NXN: variants seen among roughly 807,000 people sequenced by gnomAD.
NXN encodes the protein nucleoredoxin.
Under a neutral mutation model 48.6 loss-of-function variants are expected in NXN, and 16 were observed. That is an observed-to-expected ratio of 0.33 (90% CI 0.22 to 0.50). The LOEUF is 0.50. Among genes scored for constraint, NXN ranks in the 20% least tolerant of loss-of-function variants. The pLI is 0.98. For synonymous variants in NXN, 281 were observed against 269.6 expected, an observed-to-expected ratio of 1.04 and a Z score of -0.41; for missense variants, 492 against 605.5, an observed-to-expected ratio of 0.81 and a Z score of 1.97.
At chr17:977,616 T>C (rs1212836843) in intron 1 of NXN, among the ~76,000 whole-genome samples, 1 of 152,254 alleles carries the variant, frequency 6.6e-6, no homozygotes, top group Non-Finnish European at 1.5e-5. Flanking sequence ...CCTGTAACAT[T>C]TTACCATAAT....
chr17:872,291 C>T (rs1156536439), intron 1 of NXN, among the ~76,000 whole-genome samples: 3 of 146,866 alleles, frequency 2.0e-5, no homozygotes, highest in African/African-American at 2.5e-5. Context: ...CAGAGGAACA[C>T]GTCAATCAAA....
rs75367900 is a variant in NXN, at chr17:838,018, C to T, written c.361-11940G>A. On this transcript the variant is annotated intron_variant, in intron 1 of 7. Transcript: ENST00000336868. ...ATGCCGCACACGTTCTTTCTGGGTC[C>T]TTCTCTGCCACGCCAGGCTGCATTA... is the stretch of plus-strand genomic sequence containing the variant. Among the ~76,000 whole-genome samples the T allele has an allele frequency of 2.7e-4, 41 of 152,194 alleles. No individual in the cohort carries two copies. In the East Asian group the frequency reaches 3.1e-3, roughly 11 times the overall value.
At chr17:971,665 G>A (rs775071244) in intron 1 of NXN, among the ~76,000 whole-genome samples, 8 of 151,794 alleles carry the variant, frequency 5.3e-5, no homozygotes, top group Admixed American at 2.6e-4. Flanking sequence ...AGCCGAGATC[G>A]CGCCACTGCA....
At chr17:940,016 C>A (rs1182163767) in intron 1 of NXN, among the ~76,000 whole-genome samples, 1 of 151,770 alleles carries the variant, frequency 6.6e-6, no homozygotes, top group East Asian at 1.9e-4. Flanking sequence ...TCACTGTAGC[C>A]TCAAACTGCC....
chr17:893,997 C>G (rs576039785), intron 1 of NXN, among the ~76,000 whole-genome samples: 2 of 101,500 alleles, frequency 2.0e-5, no homozygotes, highest in South Asian at 8.8e-4. Flanking sequence ...TCTCAACTCC[C>G]TGGAAGCCAG....
intron 1 of NXN, among the ~76,000 whole-genome samples, chr17:947,586 A>T (rs1307362460): frequency 6.6e-6 from 1 of 151,970 alleles, no homozygotes; most frequent in East Asian, 1.9e-4. Context: ...TACAAAAATT[A>T]GCCGGGAGTG....
intron 1 of NXN, among the ~76,000 whole-genome samples, chr17:833,113 G>A (rs1317663413): frequency 2.0e-5 from 3 of 152,000 alleles, no homozygotes; most frequent in Admixed American, 6.6e-5. Flanking sequence ...GGATGGTCTC[G>A]ACCTCCTGAC....
At chr17:826,266 G>C (rs780039728) in intron 1 of NXN, among the ~76,000 whole-genome samples, 188 bp from the exon 2 acceptor site, 13 of 152,112 alleles carry the variant, frequency 8.5e-5, no homozygotes, top group Non-Finnish European at 1.8e-4. Context: ...TGCCCCCCGG[G>C]GTCTGTGACA....
intron 1 of NXN, among the ~76,000 whole-genome samples, chr17:913,458 G>A (rs981882386): frequency 7.2e-5 from 11 of 152,170 alleles, no homozygotes; most frequent in African/African-American, 9.7e-5. Context: ...TGAAGATGTC[G>A]GCCCCTGCCC....
rs978463019 is a variant in NXN, at chr17:830,014, G to T, written c.361-3936C>A. Among the ~76,000 whole-genome samples, 9 of 152,142 alleles carry T rather than the reference G, an allele frequency of 5.9e-5. No homozygotes were observed. Among genetic ancestry groups the T allele is most frequent in the Admixed American group, 3.3e-4 (5 of 15,264 alleles). ...TAATGGGATTGCTGGGTCAAATGGT[G>T]TTTTTGGTTCTAGATCCCTGAGGAA... On this transcript the variant is annotated intron_variant, in intron 1 of 7. Transcript: ENST00000336868. This position sits in a 1 kb window ranked among gnomAD's most constrained non-coding sequence, Gnocchi z 4.2.
At chr17:885,369 T>C (rs1181882380) in intron 1 of NXN, among the ~76,000 whole-genome samples, 2 of 151,586 alleles carry the variant, frequency 1.3e-5, no homozygotes, top group Non-Finnish European at 2.9e-5. Context: ...CCCAGCTACT[T>C]GGGAGGCTGA....
chr17:816,966 T>C (rs1169660160), intron 5 of NXN, among the ~76,000 whole-genome samples: 2 of 152,154 alleles, frequency 1.3e-5, no homozygotes, highest in African/African-American at 4.8e-5. Flanking sequence ...GCTGACCTCC[T>C]TGGCATCTCC....
In NXN at chr17:823,883, A is replaced by T. The variant is rs1597631517; in HGVS notation, c.479-118T>A. 6.2e-6 allele frequency: 6 copies of T among 961,940 alleles called. No homozygotes were observed. In the East Asian group the frequency reaches 1.5e-4, roughly 24 times the overall value. 59.6% of individuals were successfully genotyped at this position (961,940 alleles called of 1,614,324 possible). A position where few individuals can be genotyped will look rare whatever the true frequency, so the allele number is the denominator to read the frequency against. The stretch of plus-strand genomic sequence containing the variant: ...TGACCTGGGACCCGGGAGACCTCAG[A>T]GCGGCAGGCGTGACAAGATAATCAT... On this transcript the variant is annotated intron_variant, in intron 2 of 7. Coordinates refer to ENST00000336868, the MANE Select transcript of NXN (RefSeq NM_022463.5).
intron 1 of NXN, among the ~76,000 whole-genome samples, chr17:974,795 T>C (rs947853314): frequency 7.9e-5 from 12 of 151,172 alleles, no homozygotes; most frequent in Non-Finnish European, 1.8e-4. Flanking sequence ...TCAAGGAACA[T>C]TGCTCTTATT....
intron 1 of NXN, among the ~76,000 whole-genome samples, chr17:866,398 C>G (rs59087974): frequency 6.6e-6 from 1 of 152,118 alleles, no homozygotes; most frequent in Non-Finnish European, 1.5e-5. Flanking sequence ...GCCTGGGCAA[C>G]ATGGTGAAAC....
chr17:804,440 A>G (rs9328717), intron 6 of NXN, among the ~76,000 whole-genome samples: 19,073 of 151,776 alleles, frequency 0.13, 2,712 homozygotes, highest in African/African-American at 0.35. Context: ...GAGCCACCAC[A>G]CCCAGGCTCG....
intron 1 of NXN, among the ~76,000 whole-genome samples, chr17:879,288 G>GTTT (rs1555617762): frequency 7.0e-6 from 1 of 142,938 alleles, no homozygotes; most frequent in Admixed American, 6.9e-5. Context: ...TTGGTTTTTG[G>GTTT]TTTTTTGTTT....
At chr17:938,616 G>A (rs982592611) in intron 1 of NXN, among the ~76,000 whole-genome samples, 3 of 152,148 alleles carry the variant, frequency 2.0e-5, no homozygotes, top group Admixed American at 6.5e-5. Context: ...CTGGGGAGGC[G>A]GAGGTCGCAG....
chr17:807,640 G>C (rs761675245), intron 5 of NXN, among the ~76,000 whole-genome samples: 1 of 152,240 alleles, frequency 6.6e-6, no homozygotes, highest in Non-Finnish European at 1.5e-5. Flanking sequence ...CTCCTAAGAC[G>C]AGGTGTGCCG....
Sources: gnomAD v4.1 joint callset for allele counts (sites outside exome capture counted in the v4.1 genomes callset) on GRCh38, gnomAD v4.1.1 for gene constraint, Gnocchi (gnomAD v3.1) non-coding constraint, MANE v1.5 for transcripts, NCBI Gene and HGNC (gene_info 2026-07-23, HGNC 2026-07-21) for gene names.